Variants in TUBE1 observed in about 807,000 individuals in gnomAD.
TUBE1 encodes tubulin epsilon chain.
TUBE1 carries 34 observed loss-of-function variants against 53.5 expected under a neutral mutation model. The ratio of observed to expected loss-of-function variants is 0.64; its 90% confidence interval spans 0.48 to 0.85. TUBE1 has a LOEUF of 0.85. Ranked by LOEUF, TUBE1 falls within the 40% of genes least tolerant of loss-of-function variation. The pLI, the probability that TUBE1 is intolerant of heterozygous loss-of-function variation, is 0.00. For missense variants in TUBE1, 532 were observed against 570.5 expected (o/e 0.93, Z 0.69); for synonymous variants, 177 against 198.4 (o/e 0.89, Z 0.91).
At chr6:112,071,868 AAC>A (rs782252777) in intron 11 of TUBE1, 32 bp downstream of exon 11, 50 of 1,548,848 alleles carry the variant, frequency 3.2e-5, no homozygotes. Context: ...AGCCAAAATA[AAC>A]ACATACAGTT....
chr6:112,075,854 ATAAC>A lies in TUBE1; in HGVS notation c.812+79_812+82del, dbSNP rs1776955812. 2.3e-6 allele frequency: 3 copies of A among 1,277,426 alleles called. No homozygotes were observed. In the Admixed American group the frequency reaches 7.1e-5, roughly 30 times the overall value. 79.1% of individuals were successfully genotyped at this position (1,277,426 alleles called of 1,614,324 possible). Reference sequence around the variant, plus strand: ...ACAGAAGCAGCTTCTACAATTTAGAATAACTAAAAAATGCTACTACAAAAATTCA... The same window carrying A: ...ACAGAAGCAGCTTCTACAATTTAGAATAAAAAATGCTACTACAAAAATTCA... On this transcript the variant is annotated intron_variant, in intron 8 of 11. Transcript: ENST00000368662.
intron 2 of TUBE1, 78 bp downstream of exon 2, chr6:112,087,155 C>T: frequency 7.7e-7 from 1 of 1,307,184 alleles, no homozygotes; most frequent in Non-Finnish European, 1.1e-6. Context: ...CAGATGAAAG[C>T]TCAAGTCGAT....
intron 6 of TUBE1, chr6:112,077,436 T>G (rs1776989942): frequency 6.6e-6 from 1 of 151,912 alleles, no homozygotes; most frequent in South Asian, 2.1e-4. Flanking sequence ...TTCTGAACTA[T>G]TAGTAGGCTA....
chr6:112,085,880 T>C (rs1583599792), intron 3 of TUBE1: 1 of 313,528 alleles, frequency 3.2e-6, no homozygotes, highest in East Asian at 8.2e-5. Context: ...CTAGATAGAC[T>C]CTGGAATTCA....
rs1777164444 is a variant in TUBE1, at chr6:112,086,749, C to A, written c.100-141G>T. On this transcript the variant is annotated intron_variant, in intron 2 of 11. Coordinates refer to ENST00000368662, the MANE Select transcript of TUBE1 (RefSeq NM_016262.5). Reference sequence around the variant, plus strand: ...AACCAAGTATCACAAAATGCGGAGCCTGACTCTTCCCAATCTCCTTAGAAG... The same window carrying A: ...AACCAAGTATCACAAAATGCGGAGCATGACTCTTCCCAATCTCCTTAGAAG... 1.2e-5 allele frequency: 7 copies of A among 604,252 alleles called. No homozygotes were observed. The South Asian group carries it at 1.3e-4, about 11-fold the overall frequency. 37.4% of individuals were successfully genotyped at this position (604,252 alleles called of 1,614,324 possible). A position where few individuals can be genotyped will look rare whatever the true frequency, so the allele number is the denominator to read the frequency against.
At chr6:112,072,205 C>G in intron 10 of TUBE1, 129 bp from the exon 11 acceptor site, 1 of 632,744 alleles carries the variant, frequency 1.6e-6, no homozygotes, top group Non-Finnish European at 2.6e-6. Context: ...TTAGTTTAGA[C>G]GCTAAGTTAT....
At chr6:112,073,074 TAATG>T (rs1362586555) in intron 9 of TUBE1, among the ~76,000 whole-genome samples, 176 bp from the exon 10 acceptor site, 3 of 151,880 alleles carry the variant, frequency 2.0e-5, no homozygotes, top group Admixed American at 2.0e-4. Flanking sequence ...GAAGCAATCT[TAATG>T]ATATGAGAAG....
chr6:112,072,068 G>A lies in TUBE1; in HGVS notation c.1103C>T (p.Pro368Leu). The A allele has an allele frequency of 6.3e-7, 1 of 1,578,590 alleles. No homozygotes were observed. Among genetic ancestry groups the A allele is most frequent in the Non-Finnish European group, 8.6e-7 (1 of 1,169,456 alleles). ...ATTCCAGGAGACAAATTGTAGAGAT[G>A]GTTTTAATCTGAGATTAAAAAAAAA... ...DLRRNIERLKPSLQFVSWNQE... is the reference protein window; with the variant it reads ...DLRRNIERLKLSLQFVSWNQE... The change falls in exon 11 of 12, where the codon CCA (proline) becomes CTA (leucine). Residue 368 changes from proline to leucine, a missense_variant. Coordinates refer to ENST00000368662, the MANE Select transcript of TUBE1 (RefSeq NM_016262.5).
chr6:112,071,838 T>C, intron 11 of TUBE1, 64 bp downstream of exon 11: 1 of 1,463,716 alleles, frequency 6.8e-7, no homozygotes, highest in Non-Finnish European at 9.2e-7. Flanking sequence ...TAGTGTAATT[T>C]TTAAGAATAC....
chr6:112,087,045 T>C, intron 2 of TUBE1, 188 bp downstream of exon 2: 1 of 599,686 alleles, frequency 1.7e-6, no homozygotes, highest in South Asian at 2.1e-5. Context: ...AAGACTAAGG[T>C]CGCTGGCCAG....
intron 3 of TUBE1, among the ~76,000 whole-genome samples, chr6:112,084,598 G>A (rs1777119598): frequency 6.6e-6 from 1 of 152,188 alleles, no homozygotes; most frequent in African/African-American, 2.4e-5. Context: ...GTGATTCCTG[G>A]AGAAGACTGC....
chr6:112,084,943 G>C (rs1554317140), intron 3 of TUBE1, among the ~76,000 whole-genome samples: 1 of 152,206 alleles, frequency 6.6e-6, no homozygotes, highest in Non-Finnish European at 1.5e-5. Context: ...AATATATGAA[G>C]GGTAGCCAAT....
chr6:112,074,868 A>C lies in TUBE1; in HGVS notation c.813-18T>G. On this transcript the variant is annotated intron_variant, in intron 8 of 11. Transcript: ENST00000368662. ...TTGCAGAGCTAAAAAGTTAACATTA[A>C]AATGAGAAAATTTTTAATTTTAAAA... The C allele has an allele frequency of 6.5e-7, 1 of 1,534,988 alleles. No homozygotes were observed. Among genetic ancestry groups the C allele is most frequent in the Non-Finnish European group, 8.7e-7 (1 of 1,143,650 alleles).
In TUBE1 at chr6:112,071,066, A is replaced by G. The variant is rs1554315233; in HGVS notation, c.*346T>C. 1 of 152,232 alleles carries G rather than the reference A, an allele frequency of 6.6e-6. No homozygotes were observed. Among genetic ancestry groups the G allele is most frequent in the Non-Finnish European group, 1.5e-5 (1 of 68,196 alleles). The allele number at this position is 152,232 out of a possible 1,614,324, so 9.4% of individuals were successfully genotyped here. A position where few individuals can be genotyped will look rare whatever the true frequency, so the allele number is the denominator to read the frequency against. On this transcript the variant is annotated 3_prime_UTR_variant, in exon 12 of 12. Transcript: ENST00000368662. ...AATATCAAAATATAAATTATAAATA[A>G]TTATAAAAATATATCTGTACAAGAT...
chr6:112,076,219 A>G (rs782473924), intron 7 of TUBE1, 103 bp downstream of exon 7: 5 of 1,471,648 alleles, frequency 3.4e-6, no homozygotes, highest in Non-Finnish European at 4.6e-6. Flanking sequence ...TTTTTCTCTA[A>G]GAAGGCTGAA....
Position 112,081,181 on chromosome 6 carries a change from C to T in TUBE1, c.237G>A (p.Gly79=), listed in dbSNP as rs1777064345. The change falls in exon 5 of 12, where the codon GGG becomes GGA. Residue 79 remains glycine, a synonymous_variant. Coordinates refer to ENST00000368662, the MANE Select transcript of TUBE1 (RefSeq NM_016262.5). The part of the protein sequence containing the change: ...ARAVLIDMEE[G]VVNEILQGPL... ...GTCCCTGCAGAATTTCATTCACTAC[C>T]CCTTCTTCCATATCAATCAAGACTG... 5 of 1,604,724 alleles carry T rather than the reference C, an allele frequency of 3.1e-6. No homozygotes were observed. In the African/African-American group the frequency reaches 5.4e-5, roughly 17 times the overall value.
intron 6 of TUBE1, chr6:112,077,256 C>G (rs1554316205): frequency 6.6e-6 from 1 of 152,142 alleles, no homozygotes; most frequent in Non-Finnish European, 1.5e-5. Flanking sequence ...AGCATGCCTA[C>G]CTCGAATTTC....
chr6:112,084,106 A>C, intron 4 of TUBE1, 83 bp downstream of exon 4: 1 of 1,149,910 alleles, frequency 8.7e-7, no homozygotes, highest in Non-Finnish European at 1.3e-6. Flanking sequence ...TGAAAAGTTT[A>C]AAGTTTTATT....
chr6:112,070,874 G>T lies in TUBE1; in HGVS notation c.*538C>A. 1 of 151,958 alleles carries T rather than the reference G, an allele frequency of 6.6e-6. No individual in the cohort carries two copies. Among genetic ancestry groups the T allele is most frequent in the East Asian group, 1.9e-4 (1 of 5,194 alleles). 9.4% of individuals were successfully genotyped at this position (151,958 alleles called of 1,614,324 possible). ...AAATACATGTTAAGTGTACAAATTAGGATTCTTTTGGGCAAACAAGTTGTT... is the reference window on the plus strand; with the variant it reads ...AAATACATGTTAAGTGTACAAATTATGATTCTTTTGGGCAAACAAGTTGTT... On this transcript the variant is annotated 3_prime_UTR_variant, in exon 12 of 12. Transcript: ENST00000368662.
Sources: gnomAD v4.1 joint callset for allele counts (sites outside exome capture counted in the v4.1 genomes callset) on GRCh38, gnomAD v4.1.1 for gene constraint, MANE v1.5 for transcripts, NCBI Gene and HGNC (gene_info 2026-07-23, HGNC 2026-07-21) for gene names.